ANK1: variants seen among roughly 807,000 people sequenced by gnomAD.
The protein encoded by ANK1 is ankyrin-1.
A neutral mutation model predicts 210.4 loss-of-function variants in ANK1; 51 were observed. That is an observed-to-expected ratio of 0.24 (90% CI 0.19 to 0.31). ANK1 has a LOEUF of 0.31. Ranked by LOEUF, ANK1 falls within the 10% of genes least tolerant of loss-of-function variation. ANK1 has a pLI of 1.00. For missense variants in ANK1, 2,051 were observed against 2,504.4 expected (o/e 0.82, Z 3.86); for synonymous variants, 967 against 1,025.9 (o/e 0.94, Z 1.10).
chr8:41,689,366 C>T (rs114881253), intron 33 of ANK1, among the ~76,000 whole-genome samples: 1 of 151,568 alleles, frequency 6.6e-6, no homozygotes, highest in African/African-American at 2.4e-5. Context: ...TGGGCTCAAG[C>T]AATCCCTTGC....
intron 2 of ANK1, among the ~76,000 whole-genome samples, chr8:41,738,017 A>C (rs1833857986): frequency 1.3e-5 from 2 of 152,218 alleles, no homozygotes; most frequent in Non-Finnish European, 1.5e-5. Context: ...ATGCATAAAA[A>C]ATAAATGCAA....
intron 37 of ANK1, among the ~76,000 whole-genome samples, chr8:41,673,191 G>A (rs189136909): frequency 1.1e-4 from 17 of 152,344 alleles, no homozygotes; most frequent in Non-Finnish European, 2.9e-5. Context: ...GGATGGCGAA[G>A]AGGAGATTGG....
intron 1 of ANK1, among the ~76,000 whole-genome samples, chr8:41,861,628 C>T (rs1247971813): frequency 6.6e-6 from 1 of 152,244 alleles, no homozygotes; most frequent in Non-Finnish European, 1.5e-5. Context: ...CTCCAGGGCT[C>T]TGTGCTCTGG....
At chr8:41,743,116 A>G (rs573426353) in intron 2 of ANK1, among the ~76,000 whole-genome samples, 137 of 152,326 alleles carry the variant, frequency 9.0e-4, no homozygotes, top group African/African-American at 3.1e-3. Flanking sequence ...TGAGACCACA[A>G]CAGAATATAT....
intron 1 of ANK1, among the ~76,000 whole-genome samples, chr8:41,795,763 G>A (rs759893857): frequency 1.6e-4 from 24 of 151,918 alleles, no homozygotes; most frequent in Non-Finnish European, 2.1e-4. Context: ...GGTGGGTGGG[G>A]GGCAAGAGAA....
intron 1 of ANK1, among the ~76,000 whole-genome samples, chr8:41,763,917 G>GTTTTTTTTTTTTTT (rs1841149807): frequency 9.8e-6 from 1 of 101,544 alleles, no homozygotes. Flanking sequence ...TTTTTTTTGG[G>GTTTTTTTTTTTTTT]CTTCTCCAGG....
intron 1 of ANK1, among the ~76,000 whole-genome samples, chr8:41,854,005 A>T (rs1811748543): frequency 1.3e-5 from 2 of 152,232 alleles, no homozygotes; most frequent in Admixed American, 1.3e-4. Context: ...CCATTTTCCT[A>T]TGAAGGACTG....
chr8:41,723,782 T>A (rs1219055731), intron 7 of ANK1, 149 bp from the exon 8 acceptor site: 9 of 511,964 alleles, frequency 1.8e-5, no homozygotes, highest in African/African-American at 4.0e-5. Context: ...TTTATTTTTT[T>A]TTATTTTTTA....
intron 20 of ANK1, among the ~76,000 whole-genome samples, chr8:41,703,448 A>ATATATATATATATATC (rs1823551215): frequency 1.7e-5 from 1 of 60,198 alleles, no homozygotes; most frequent in Non-Finnish European, 3.0e-5. Context: ...ATATATATAT[A>ATATATATATATATATC]TATTTTTTTT....
At chr8:41,865,925 T>C (rs181929441) in intron 1 of ANK1, among the ~76,000 whole-genome samples, 3 of 152,320 alleles carry the variant, frequency 2.0e-5, no homozygotes, top group Admixed American at 6.5e-5. Flanking sequence ...AAGGTATGAA[T>C]GTGACAGTGC....
At chr8:41,743,961 A>G (rs1020014907) in intron 2 of ANK1, among the ~76,000 whole-genome samples, 17 of 152,216 alleles carry the variant, frequency 1.1e-4, no homozygotes, top group African/African-American at 4.1e-4. Context: ...AACAGGAACC[A>G]GGGATCTTTG....
At chr8:41,800,750 G>T (rs183586764), upstream of ANK1, among the ~76,000 whole-genome samples, 1 of 152,004 alleles carries the variant, frequency 6.6e-6, no homozygotes, top group African/African-American at 2.4e-5. Context: ...TTTTTGAGAC[G>T]GCATCTCGCT....
upstream of ANK1, among the ~76,000 whole-genome samples, chr8:41,799,017 G>A (rs1435936625): frequency 6.6e-6 from 1 of 151,888 alleles, no homozygotes; most frequent in Non-Finnish European, 1.5e-5. Flanking sequence ...CCCCATGGAC[G>A]CTGGGCCATC....
chr8:41,805,288 G>A (rs898815640), intron 1 of ANK1, among the ~76,000 whole-genome samples: 2 of 150,772 alleles, frequency 1.3e-5, no homozygotes, highest in South Asian at 2.1e-4. Flanking sequence ...TGTCACCCAG[G>A]TAGGGGCACA....
chr8:41,668,675 A>G (rs1309050902), intron 38 of ANK1, 111 bp from the exon 39 acceptor site: 2 of 1,227,834 alleles, frequency 1.6e-6, no homozygotes, highest in South Asian at 1.5e-5. Flanking sequence ...GCTCTGGCTC[A>G]TCAAGGACAC....
At chr8:41,835,907 T>A (rs13255835) in intron 1 of ANK1, among the ~76,000 whole-genome samples, 1 of 152,058 alleles carries the variant, frequency 6.6e-6, no homozygotes, top group South Asian at 2.1e-4. Flanking sequence ...AGGACCCTCA[T>A]GCCCAGCACA....
At chr8:41,684,801 G>A (rs1817230265) in intron 36 of ANK1, 111 bp from the exon 37 acceptor site, 1 of 1,363,466 alleles carries the variant, frequency 7.3e-7, no homozygotes, top group East Asian at 2.3e-5. Flanking sequence ...ATTTTTTTCA[G>A]AAGGTGGAGG....
At chr8:41,750,071 C>T (rs1180432844) in intron 2 of ANK1, among the ~76,000 whole-genome samples, 4 of 152,202 alleles carry the variant, frequency 2.6e-5, no homozygotes, top group Non-Finnish European at 5.9e-5. Flanking sequence ...TTGGAAAGGT[C>T]GTAATTATCA....
intron 40 of ANK1, among the ~76,000 whole-genome samples, chr8:41,662,739 G>T (rs533220672): frequency 6.6e-6 from 1 of 152,094 alleles, no homozygotes; most frequent in African/African-American, 2.4e-5. Context: ...CAAGACAGAC[G>T]CACAAGGAGC....
Sources: allele counts gnomAD v4.1 joint callset (sites outside exome capture counted in the v4.1 genomes callset), GRCh38; gene constraint gnomAD v4.1.1; transcripts MANE v1.5; gene names NCBI Gene and HGNC (gene_info 2026-07-23, HGNC 2026-07-21).